Variants in RNF43 observed in about 807,000 individuals in gnomAD.
The protein encoded by RNF43 is ring finger protein 43, also known as E3 ubiquitin-protein ligase RNF43.
In RNF43, 37 loss-of-function variants were observed where a neutral mutation model predicts 78.4. The observed-to-expected ratio is 0.47, with a 90% CI of 0.36 to 0.62. The LOEUF (loss-of-function observed/expected upper bound fraction) is 0.62, where lower values mean the gene tolerates loss of function less well. RNF43 is among the 20% of genes least tolerant of loss of function. The pLI is 0.00. For missense variants in RNF43, 774 were observed against 1,007.9 expected, an observed-to-expected ratio of 0.77 and a Z score of 3.14; for synonymous variants, 347 against 395.0, an observed-to-expected ratio of 0.88 and a Z score of 1.44.
rs1468257929 is a variant in RNF43 at position 58,361,790 on chromosome 17, C to G, written c.687+754G>C. On this transcript the variant is annotated intron_variant, in intron 6 of 9. Transcript: ENST00000407977. ...ACTAGACACATTTCTGCCTTAAGGC[C>G]TTTGCATTTACTGTTCTCTCTGCCT... Among the ~76,000 whole-genome samples the G allele has an allele frequency of 5.3e-5, 8 of 152,194 alleles. No homozygotes were observed. The East Asian group carries it at 1.5e-3, about 29-fold the overall frequency.
intron 2 of RNF43, among the ~76,000 whole-genome samples, chr17:58,404,894 T>G (rs547970825): frequency 6.6e-6 from 1 of 151,974 alleles, no homozygotes; most frequent in South Asian, 2.1e-4. Context: ...AGGGACTGAT[T>G]GGTACATTTT....
intron 6 of RNF43, among the ~76,000 whole-genome samples, chr17:58,361,543 C>T (rs1203929462): frequency 6.6e-6 from 1 of 152,200 alleles, no homozygotes; most frequent in Non-Finnish European, 1.5e-5. Context: ...CTGTTTCCAG[C>T]TTTGCCTCCC....
intron 2 of RNF43, among the ~76,000 whole-genome samples, chr17:58,401,880 T>C (rs867581727): frequency 5.9e-5 from 9 of 151,600 alleles, no homozygotes; most frequent in Non-Finnish European, 1.0e-4. Flanking sequence ...ACAGACAAGT[T>C]AGCACTGCTG....
At chr17:58,364,345 G>A (rs536568032) in intron 3 of RNF43, among the ~76,000 whole-genome samples, 5 of 152,204 alleles carry the variant, frequency 3.3e-5, no homozygotes, top group Non-Finnish European at 7.3e-5. Context: ...GTCCCATATG[G>A]TGAGTATGCA....
chr17:58,387,328 T>G (rs917828164), intron 2 of RNF43, among the ~76,000 whole-genome samples: 6 of 152,110 alleles, frequency 3.9e-5, no homozygotes, highest in African/African-American at 1.4e-4. Context: ...CATGAGAACA[T>G]ATTTGTCTTA....
At chr17:58,405,877 G>T (rs1429488127) in intron 2 of RNF43, among the ~76,000 whole-genome samples, 1 of 152,156 alleles carries the variant, frequency 6.6e-6, no homozygotes, top group African/African-American at 2.4e-5. Context: ...GTTGGACAAG[G>T]CTAAGGTGTT....
At chr17:58,399,576 T>C (rs968282821) in intron 2 of RNF43, among the ~76,000 whole-genome samples, 1 of 152,076 alleles carries the variant, frequency 6.6e-6, no homozygotes, top group Non-Finnish European at 1.5e-5. Flanking sequence ...CTTAGAAACA[T>C]GGCTGCAAGC....
chr17:58,400,566 T>C (rs1973775214), intron 2 of RNF43, among the ~76,000 whole-genome samples: 1 of 152,208 alleles, frequency 6.6e-6, no homozygotes, highest in Admixed American at 6.5e-5. Flanking sequence ...ATTATTCCCA[T>C]TTTACTCAGG....
intron 2 of RNF43, among the ~76,000 whole-genome samples, chr17:58,407,407 G>T (rs568189782): frequency 6.6e-6 from 1 of 152,184 alleles, no homozygotes; most frequent in Admixed American, 6.5e-5. Flanking sequence ...AAATATTGTA[G>T]TCTAACTTCT....
At chr17:58,377,142 T>TA (rs1419205736) in intron 2 of RNF43, among the ~76,000 whole-genome samples, 2 of 152,312 alleles carry the variant, frequency 1.3e-5, no homozygotes, top group East Asian at 3.9e-4. Context: ...TTGGGCATGT[T>TA]AATCTTTCTG....
Position 58,355,062 on chromosome 17 carries a change from G to C in RNF43, c.2309-76C>G, listed in dbSNP as rs560782338. On this transcript the variant is annotated intron_variant, in intron 9 of 9. Coordinates refer to ENST00000407977, the MANE Select transcript of RNF43 (RefSeq NM_017763.6). ...ACCTGCTTCTCTCGCCTGCAGCAGA[G>C]TGTGGCTGAGAGGGGACCACAGGGA... is the stretch of plus-strand genomic sequence containing the variant. The C allele has an allele frequency of 3.8e-6, 5 of 1,306,300 alleles. No homozygotes were observed. The South Asian group carries it at 6.0e-5, about 16-fold the overall frequency. 80.9% of individuals were successfully genotyped at this position (1,306,300 alleles called of 1,614,324 possible).
Position 58,360,209 on chromosome 17 carries a change from A to AGTG in RNF43, c.891_892insCAC (p.Asn297_Cys298insHis). ...TGCTGATGTAACCAGGGGTCCACAC[A>AGTG]GTTACGATGGAACTCATGGAGGCAG... On this transcript the variant is annotated inframe_insertion, in exon 8 of 10. Coordinates refer to ENST00000407977, the MANE Select transcript of RNF43 (RefSeq NM_017763.6). The surrounding 1 kb of genome is among the most constrained non-coding windows in gnomAD (Gnocchi z 4.3). The AGTG allele has an allele frequency of 6.2e-7, 1 of 1,614,130 alleles. No individual in the cohort carries two copies. Among genetic ancestry groups the AGTG allele is most frequent in the South Asian group, 1.1e-5 (1 of 91,078 alleles).
At chr17:58,391,136 C>T (rs907343842) in intron 2 of RNF43, among the ~76,000 whole-genome samples, 10 of 152,068 alleles carry the variant, frequency 6.6e-5, no homozygotes, top group African/African-American at 1.4e-4. Flanking sequence ...TGAAGCCAAC[C>T]GGAGATATGG....
chr17:58,375,061 T>C (rs1330213170), intron 2 of RNF43, among the ~76,000 whole-genome samples: 1 of 152,116 alleles, frequency 6.6e-6, no homozygotes, highest in Non-Finnish European at 1.5e-5. Context: ...CTCCTAAATA[T>C]TTGTCTTATT....
chr17:58,366,595 T>C (rs1333279055), intron 3 of RNF43, among the ~76,000 whole-genome samples: 1 of 152,216 alleles, frequency 6.6e-6, no homozygotes, highest in Non-Finnish European at 1.5e-5. Flanking sequence ...AGTGCCCAGA[T>C]TGCCTAGGGG....
chr17:58,365,832 C>T (rs1417745380), intron 3 of RNF43, among the ~76,000 whole-genome samples: 1 of 152,156 alleles, frequency 6.6e-6, no homozygotes, highest in Non-Finnish European at 1.5e-5. Context: ...ATCCAAAGAG[C>T]TCTTTGGAAG....
rs576676676 is a variant in RNF43 at position 58,409,703 on chromosome 17, G to A, written c.252+5623C>T. On this transcript the variant is annotated intron_variant, in intron 2 of 9. Transcript: ENST00000407977. ...ATACCTTTAATACTGCAGACAGCAG[G>A]GCAAAACCCTGTCTCTACAAAAAAT... Among the ~76,000 whole-genome samples, 7 of 152,028 alleles carry A rather than the reference G, an allele frequency of 4.6e-5. No homozygotes were observed. In the East Asian group the frequency reaches 1.4e-3, roughly 29 times the overall value.
chr17:58,363,410 C>T lies in RNF43; in HGVS notation c.451-4G>A, dbSNP rs767814408. 8 of 1,614,032 alleles carry T rather than the reference C, an allele frequency of 5.0e-6. No individual in the cohort carries two copies. The African/African-American group carries it at 1.1e-4, about 22-fold the overall frequency. On this transcript the variant is annotated splice_polypyrimidine_tract_variant and splice_region_variant and intron_variant, in intron 4 of 9. Transcript: ENST00000407977. ...TCAGCCCCAGCGGCTGCTGCAGCTA[C>T]AGGGGGAAAGTGCCCACAGGGCTGC...
intron 3 of RNF43, among the ~76,000 whole-genome samples, chr17:58,367,284 T>C (rs1332631707): frequency 1.3e-5 from 2 of 152,118 alleles, no homozygotes; most frequent in African/African-American, 4.8e-5. Flanking sequence ...CCACACCTGG[T>C]ATGAGCCACC....
Sources: gnomAD v4.1 joint callset for allele counts (sites outside exome capture counted in the v4.1 genomes callset) on GRCh38, gnomAD v4.1.1 for gene constraint, Gnocchi (gnomAD v3.1) non-coding constraint, MANE v1.5 for transcripts, NCBI Gene and HGNC (gene_info 2026-07-23, HGNC 2026-07-21) for gene names.